The following SEC11C variants were observed in gnomAD, a reference collection of about 807,000 sequenced individuals.
The protein encoded by SEC11C is SEC11 homolog C, signal peptidase complex subunit, also known as signal peptidase complex catalytic subunit SEC11C.
SEC11C carries 10 observed loss-of-function variants against 21.9 expected under a neutral mutation model. The ratio of observed to expected loss-of-function variants is 0.46; its 90% confidence interval spans 0.28 to 0.77. The LOEUF is 0.77. Among genes scored for constraint, SEC11C ranks in the 30% least tolerant of loss-of-function variants. The probability of loss-of-function intolerance (pLI) is 0.12; values close to 1 mark genes in which losing one functional copy is unlikely to be tolerated. For missense variants in SEC11C, 145 were observed against 244.5 expected, an observed-to-expected ratio of 0.59 and a Z score of 2.71; for synonymous variants, 83 against 85.6, an observed-to-expected ratio of 0.97 and a Z score of 0.17.
At chr18:59,157,505 C>G in intron 4 of SEC11C, 103 bp from the exon 5 acceptor site, 1 of 829,018 alleles carries the variant, frequency 1.2e-6, no homozygotes, top group Middle Eastern at 2.2e-4. Flanking sequence ...GGCATTCCCT[C>G]GTACAATTCA....
chr18:59,147,217 G>A (rs1178311665), intron 1 of SEC11C: 2 of 152,150 alleles, frequency 1.3e-5, no homozygotes, highest in African/African-American at 4.8e-5. Context: ...GTTTAAAACT[G>A]TATTTTAAGT....
At chr18:59,144,726 TAA>T (rs5825314) in intron 1 of SEC11C, among the ~76,000 whole-genome samples, 6 of 98,588 alleles carry the variant, frequency 6.1e-5, no homozygotes, top group Non-Finnish European at 5.8e-5. Flanking sequence ...CCTTGTATCT[TAA>T]AAAAAAAAAA....
At position 59,139,984 on chromosome 18, in the gene SEC11C, C is replaced by T. The variant is rs1411287846; in HGVS notation, c.36C>T (p.Pro12=). ...VRAGAVGAHL[P]ASGLDIFGDL... ...CGGGCGCCGTGGGGGCTCATCTCCC[C>T]GCGTCCGGCTTGGATATCTTCGGGG... is the stretch of plus-strand genomic sequence containing the variant. Residue 12 remains proline (P), a synonymous_variant, in exon 1 of 6, where the codon CCC becomes CCT. Transcript: ENST00000587834. 1 of 1,594,390 alleles carries T rather than the reference C, an allele frequency of 6.3e-7. No individual in the cohort carries two copies.
intron 4 of SEC11C, 97 bp from the exon 5 acceptor site, chr18:59,157,511 A>G (rs2069431646): frequency 3.0e-5 from 26 of 867,596 alleles, no homozygotes; most frequent in South Asian, 1.9e-4. Context: ...CCCTCGTACA[A>G]TTCATTTCTT....
chr18:59,152,469 A>T, intron 2 of SEC11C, 67 bp from the exon 3 acceptor site: 2 of 1,474,880 alleles, frequency 1.4e-6, no homozygotes, highest in Non-Finnish European at 1.8e-6. Context: ...TTCACCTCTG[A>T]CATGTCTATT....
rs1603377154 is a variant in SEC11C at position 59,148,458 on chromosome 18, G to T, written c.88-1055G>T. ...GCAGCAGGCAGCTGTCAGCAAGGAA[G>T]AGCCTGTGCTTCAGCCCATGCCATG... On this transcript the variant is annotated intron_variant, in intron 1 of 5. Coordinates refer to ENST00000587834, the MANE Select transcript of SEC11C (RefSeq NM_033280.4). 2.6e-5 allele frequency among the ~76,000 whole-genome samples: 4 copies of T among 152,348 alleles called. 1 individual carries two copies.
intron 3 of SEC11C, 26 bp from the exon 4 acceptor site, chr18:59,155,662 T>C: frequency 1.9e-6 from 3 of 1,603,940 alleles, no homozygotes; most frequent in Non-Finnish European, 2.6e-6. Flanking sequence ...AAATAATTTT[T>C]GAGAAGACAT....
chr18:59,144,690 A>T (rs2069249764), intron 1 of SEC11C, among the ~76,000 whole-genome samples: 1 of 145,034 alleles, frequency 6.9e-6, no homozygotes. Flanking sequence ...GCACCACTGC[A>T]CTCTAGCCTA....
intron 1 of SEC11C, among the ~76,000 whole-genome samples, chr18:59,145,527 A>G (rs2069263960): frequency 6.6e-6 from 1 of 152,178 alleles, no homozygotes; most frequent in South Asian, 2.1e-4. Context: ...GGAAGCATGG[A>G]CAGATACCAC....
At chr18:59,143,728 C>G in intron 1 of SEC11C, among the ~76,000 whole-genome samples, 1 of 152,190 alleles carries the variant, frequency 6.6e-6, no homozygotes, top group Non-Finnish European at 1.5e-5. Context: ...TTTCACTCAA[C>G]ATACTGTGTT....
Position 59,158,764 on chromosome 18 carries a change from A to C in SEC11C, c.*79A>C. 6.6e-6 allele frequency: 8 copies of C among 1,208,440 alleles called. No homozygotes were observed. The highest frequency in any genetic ancestry group is 9.8e-6 in the Non-Finnish European group (8 of 816,680). The allele number at this position is 1,208,440 out of a possible 1,614,324, so 74.9% of individuals were successfully genotyped here. On this transcript the variant is annotated 3_prime_UTR_variant, in exon 6 of 6. Coordinates refer to ENST00000587834, the MANE Select transcript of SEC11C (RefSeq NM_033280.4). ...AAAACTAATATATTTGAGATGTTCC[A>C]TTTTCTGTATAAAAGGGAACAGTGT...
intron 4 of SEC11C, chr18:59,156,809 C>A (rs9964420): frequency 0.36 from 54,814 of 152,064 alleles, 10,949 homozygotes; most frequent in African/African-American, 0.54. Context: ...GCTTCTTCCT[C>A]CTCCTTTAAC....
chr18:59,153,560 T>G (rs181281154), intron 3 of SEC11C, among the ~76,000 whole-genome samples: 58 of 152,248 alleles, frequency 3.8e-4, no homozygotes, highest in African/African-American at 1.3e-3. Flanking sequence ...ATTCACTGCT[T>G]CTTTTTTTGA....
chr18:59,145,565 A>G (rs2069264488), intron 1 of SEC11C, among the ~76,000 whole-genome samples: 2 of 152,206 alleles, frequency 1.3e-5, no homozygotes, highest in South Asian at 4.1e-4. Flanking sequence ...GGCGAGCTTC[A>G]CAGGCTGAAG....
intron 5 of SEC11C, among the ~76,000 whole-genome samples, chr18:59,158,040 ATATG>A (rs1183982608): frequency 6.6e-6 from 1 of 152,072 alleles, no homozygotes; most frequent in African/African-American, 2.4e-5. Context: ...ACACACACAT[ATATG>A]TATACATATG....
chr18:59,157,537 T>C, intron 4 of SEC11C, 71 bp from the exon 5 acceptor site: 1 of 981,692 alleles, frequency 1.0e-6, no homozygotes, highest in Non-Finnish European at 1.7e-6. Flanking sequence ...TGATCTATAG[T>C]GTTTTCAGAT....
chr18:59,141,201 T>C (rs2069206215), intron 1 of SEC11C, among the ~76,000 whole-genome samples: 1 of 152,126 alleles, frequency 6.6e-6, no homozygotes, highest in Non-Finnish European at 1.5e-5. Flanking sequence ...TGCAGTAGTG[T>C]GGGAAAGTTT....
intron 2 of SEC11C, among the ~76,000 whole-genome samples, chr18:59,150,567 T>C (rs1486188778): frequency 6.6e-6 from 1 of 152,236 alleles, no homozygotes; most frequent in Non-Finnish European, 1.5e-5. Flanking sequence ...GTGTTCACAC[T>C]GTGCTTTGGG....
chr18:59,156,604 T>C (rs1568067995), intron 4 of SEC11C: 1 of 152,258 alleles, frequency 6.6e-6, no homozygotes, highest in Non-Finnish European at 1.5e-5. Flanking sequence ...CTGCTTCTGA[T>C]TGACATAACA....
Sources: gnomAD v4.1 joint callset for allele counts (sites outside exome capture counted in the v4.1 genomes callset) on GRCh38, gnomAD v4.1.1 for gene constraint, MANE v1.5 for transcripts, NCBI Gene and HGNC (gene_info 2026-07-23, HGNC 2026-07-21) for gene names.